UNC5C: variants seen among roughly 807,000 people sequenced by gnomAD.
UNC5C encodes the protein netrin receptor UNC5C.
UNC5C carries 47 observed loss-of-function variants against 99.8 expected under a neutral mutation model. The ratio of observed to expected loss-of-function variants is 0.47; its 90% CI spans 0.37 to 0.60. UNC5C has a LOEUF of 0.60. UNC5C is among the 20% of genes least tolerant of loss of function. UNC5C has a pLI of 0.00. For missense variants in UNC5C, 1,062 were observed against 1,165.9 expected (o/e 0.91, Z 1.30); for synonymous variants, 487 against 452.2 (o/e 1.08, Z -0.98).
intron 5 of UNC5C, among the ~76,000 whole-genome samples, chr4:95,249,536 A>C (rs1187279716): frequency 6.6e-6 from 1 of 152,234 alleles, no homozygotes; most frequent in Non-Finnish European, 1.5e-5. Context: ...AGAAATATGT[A>C]AATATATAGA....
chr4:95,463,033 T>A (rs71601275), intron 1 of UNC5C, among the ~76,000 whole-genome samples: 8,005 of 152,248 alleles, frequency 0.053, 292 homozygotes, highest in Non-Finnish European at 0.08. Flanking sequence ...CTGTTTCTGG[T>A]GGGGAAGGTA....
At position 95,293,295 on chromosome 4, in the gene UNC5C, C is replaced by CTTTTTT. The variant is rs1175837199; in HGVS notation, c.490+8305_490+8310dup. Among the ~76,000 whole-genome samples the CTTTTTT allele has an allele frequency of 1.3e-3, 76 of 56,906 alleles. 19 individuals carry two copies. The highest frequency in any genetic ancestry group is 5.1e-3 in the African/African-American group (69 of 13,588). The allele number at this position is 56,906 out of a possible 152,430, so 37.3% of individuals were successfully genotyped here. On this transcript the variant is annotated intron_variant, in intron 3 of 15. Transcript: ENST00000453304. Reference sequence around the variant, plus strand: ...TTTCTGTATTATAAATAATAGTGAGCTTTTTTTTTTTTTTTTTTTTTTTTT... The same window carrying CTTTTTT: ...TTTCTGTATTATAAATAATAGTGAGCTTTTTTTTTTTTTTTTTTTTTTTTTTTTTTT...
chr4:95,498,935 T>C (rs1721701022), intron 1 of UNC5C, among the ~76,000 whole-genome samples: 1 of 152,090 alleles, frequency 6.6e-6, no homozygotes. Flanking sequence ...TCTCCAAACG[T>C]ACTTGTGCTT....
intron 5 of UNC5C, among the ~76,000 whole-genome samples, 170 bp from the exon 6 acceptor site, chr4:95,245,314 G>C (rs991407691): frequency 3.3e-5 from 5 of 151,884 alleles, no homozygotes; most frequent in Non-Finnish European, 7.4e-5. Flanking sequence ...TTTATCCAAA[G>C]TTTTATTGTA....
intron 14 of UNC5C, among the ~76,000 whole-genome samples, chr4:95,176,035 T>C (rs200820738): frequency 0.56 from 84,195 of 149,098 alleles, 23,972 homozygotes; most frequent in Middle Eastern, 0.69. Flanking sequence ...TTGATCGCAT[T>C]GGCTCCTGAG....
intron 1 of UNC5C, among the ~76,000 whole-genome samples, chr4:95,471,690 G>A (rs1444763064): frequency 1.3e-5 from 2 of 151,978 alleles, no homozygotes; most frequent in Admixed American, 1.3e-4. Context: ...TCATGCATAG[G>A]CATATAGGCA....
At chr4:95,200,085 T>C (rs1394797534) in intron 12 of UNC5C, among the ~76,000 whole-genome samples, 1 of 152,152 alleles carries the variant, frequency 6.6e-6, no homozygotes, top group Non-Finnish European at 1.5e-5. Flanking sequence ...GGCAACAGGC[T>C]TCTAGCTCAC....
chr4:95,443,047 G>T (rs1746997170), intron 1 of UNC5C, among the ~76,000 whole-genome samples: 1 of 152,126 alleles, frequency 6.6e-6, no homozygotes, highest in Non-Finnish European at 1.5e-5. Context: ...AGAGTGAGAA[G>T]CTGGGGATAT....
At chr4:95,170,405 A>G in intron 14 of UNC5C, 73 bp from the exon 15 acceptor site, 1 of 1,507,000 alleles carries the variant, frequency 6.6e-7, no homozygotes, top group Admixed American at 1.8e-5. Flanking sequence ...ACCAATCAAC[A>G]TAATGCCTTG....
intron 1 of UNC5C, among the ~76,000 whole-genome samples, chr4:95,506,381 A>C (rs971058849): frequency 5.3e-5 from 8 of 152,104 alleles, no homozygotes; most frequent in South Asian, 4.1e-4. Flanking sequence ...GCCCAATAGC[A>C]CAGCACATTC....
intron 3 of UNC5C, among the ~76,000 whole-genome samples, chr4:95,291,598 G>A (rs1324767870): frequency 6.6e-6 from 1 of 152,042 alleles, no homozygotes; most frequent in African/African-American, 2.4e-5. Flanking sequence ...AATTTGTGGG[G>A]CATCCATGAA....
At chr4:95,518,466 G>C (rs1370101723) in intron 1 of UNC5C, among the ~76,000 whole-genome samples, 1 of 152,036 alleles carries the variant, frequency 6.6e-6, no homozygotes, top group Non-Finnish European at 1.5e-5. Context: ...GCAAAATATA[G>C]TCAAAATATT....
intron 1 of UNC5C, among the ~76,000 whole-genome samples, chr4:95,392,182 A>G (rs1017366247): frequency 6.6e-6 from 1 of 152,180 alleles, no homozygotes; most frequent in African/African-American, 2.4e-5. Flanking sequence ...AGTTTAAAAA[A>G]TTACCCAATT....
At chr4:95,458,797 G>A (rs1361478158) in intron 1 of UNC5C, among the ~76,000 whole-genome samples, 7 of 151,974 alleles carry the variant, frequency 4.6e-5, no homozygotes, top group Non-Finnish European at 1.5e-5. Flanking sequence ...ATGATCCAAT[G>A]AGTAAGTGCT....
At chr4:95,446,043 A>G (rs187513124) in intron 1 of UNC5C, among the ~76,000 whole-genome samples, 118 of 152,286 alleles carry the variant, frequency 7.7e-4, no homozygotes, top group Non-Finnish European at 7.5e-4. Context: ...AGATTTTATA[A>G]AGTACCTAGA....
intron 4 of UNC5C, among the ~76,000 whole-genome samples, chr4:95,253,522 G>C (rs989177359): frequency 6.6e-6 from 1 of 152,138 alleles, no homozygotes; most frequent in Non-Finnish European, 1.5e-5. Context: ...AGAAGCCCCA[G>C]CAGTGTTTGA....
intron 2 of UNC5C, among the ~76,000 whole-genome samples, chr4:95,325,287 G>C (rs1261649361): frequency 1.3e-5 from 2 of 152,094 alleles, no homozygotes; most frequent in Admixed American, 1.3e-4. Context: ...TTGAACGCTT[G>C]TTTTTTAGGC....
chr4:95,294,355 A>G (rs1741596958), intron 3 of UNC5C, among the ~76,000 whole-genome samples: 1 of 152,170 alleles, frequency 6.6e-6, no homozygotes, highest in African/African-American at 2.4e-5. Context: ...GAGCTGTGAG[A>G]GGAAGCCAGG....
In UNC5C at chr4:95,256,699, A is replaced by AATATATATAT. The variant is rs377553615; in HGVS notation, c.595-6042_595-6033dup. Among the ~76,000 whole-genome samples the AATATATATAT allele has an allele frequency of 5.9e-3, 531 of 90,658 alleles. 16 individuals carry two copies. The highest frequency in any genetic ancestry group is 0.018 in the African/African-American group (498 of 27,778). 59.5% of individuals were successfully genotyped at this position (90,658 alleles called of 152,430 possible). ...TTGTCTAGAGGGACAGAACTAAATA[A>AATATATATAT]ATATATATATATATATATATATGAG... On this transcript the variant is annotated intron_variant, in intron 4 of 15. Transcript: ENST00000453304.
Sources: allele counts gnomAD v4.1 joint callset (sites outside exome capture counted in the v4.1 genomes callset), GRCh38; gene constraint gnomAD v4.1.1; transcripts MANE v1.5; gene names NCBI Gene and HGNC (gene_info 2026-07-23, HGNC 2026-07-21).